Variants in S100Z observed in about 807,000 individuals in gnomAD.
S100Z encodes the protein protein S100-Z.
In S100Z, 11 loss-of-function variants were observed where a neutral mutation model predicts 8.5. The observed-to-expected ratio is 1.30, with a 90% CI of 0.82 to 2.15. The LOEUF is 2.15. Ranked by LOEUF, S100Z falls within the 30% of genes most tolerant of loss-of-function variation. S100Z has a pLI of 0.00. For synonymous variants in S100Z, 34 were observed against 43.8 expected, an observed-to-expected ratio of 0.78 and a Z score of 0.89; for missense variants, 126 against 117.9, an observed-to-expected ratio of 1.07 and a Z score of -0.32.
chr5:76,856,438 G>A (rs566147314), intron 1 of S100Z, among the ~76,000 whole-genome samples: 46 of 152,262 alleles, frequency 3.0e-4, no homozygotes, highest in African/African-American at 9.6e-4. Context: ...GACCTCAGGC[G>A]ATCCACCTGC....
intron 4 of S100Z, among the ~76,000 whole-genome samples, chr5:76,899,379 C>G (rs942192506): frequency 6.6e-6 from 1 of 151,294 alleles, no homozygotes; most frequent in African/African-American, 2.4e-5. Context: ...TTACTCCTAC[C>G]ATTTTGCTAT....
chr5:76,876,626 C>G (rs1743202965), intron 3 of S100Z, among the ~76,000 whole-genome samples: 1 of 152,174 alleles, frequency 6.6e-6, no homozygotes, highest in East Asian at 1.9e-4. Context: ...CTGCCTCGGC[C>G]TCCCAAAGTG....
intron 4 of S100Z, among the ~76,000 whole-genome samples, chr5:76,897,916 T>C (rs1035269035): frequency 6.6e-6 from 1 of 152,206 alleles, no homozygotes; most frequent in African/African-American, 2.4e-5. Context: ...TATGAGATCA[T>C]ATCATCAGCA....
intron 2 of S100Z, among the ~76,000 whole-genome samples, chr5:76,874,890 A>AT (rs1310647744): frequency 0.012 from 1,714 of 146,308 alleles, 19 homozygotes; most frequent in African/African-American, 0.017. Flanking sequence ...ATTATTATTA[A>AT]TTTTTTTTTT....
intron 1 of S100Z, among the ~76,000 whole-genome samples, chr5:76,866,186 G>C (rs1291721612): frequency 6.6e-6 from 1 of 151,860 alleles, no homozygotes. Flanking sequence ...CCAGCCTCAA[G>C]TGGTCCCCCC....
chr5:76,939,193 C>T, the S100Z span, among the ~76,000 whole-genome samples: 1 of 151,082 alleles, frequency 6.6e-6, no homozygotes, highest in African/African-American at 2.4e-5. Context: ...CGCTCTGTCA[C>T]CCAGGCTGGA....
chr5:76,941,990 T>C, the S100Z span, among the ~76,000 whole-genome samples: 2 of 152,324 alleles, frequency 1.3e-5, no homozygotes, highest in South Asian at 4.2e-4. Context: ...TTTTTGGCCA[T>C]CGAGAGCACT....
intron 4 of S100Z, among the ~76,000 whole-genome samples, chr5:76,888,606 G>A (rs982335485): frequency 1.3e-5 from 2 of 152,022 alleles, no homozygotes; most frequent in African/African-American, 2.4e-5. Context: ...TCGACCTCCT[G>A]ACCTTGTGAT....
chr5:76,859,660 T>C (rs1403097311), intron 1 of S100Z, among the ~76,000 whole-genome samples: 1 of 148,454 alleles, frequency 6.7e-6, no homozygotes, highest in Non-Finnish European at 1.5e-5. Context: ...CGGGCGCCTG[T>C]AATCCCAGCT....
Position 76,877,765 on chromosome 5 carries a change from T to C in S100Z, c.233T>C (p.Met78Thr). 2 of 1,612,758 alleles carry C rather than the reference T, an allele frequency of 1.2e-6. No individual in the cohort carries two copies. Among genetic ancestry groups the C allele is most frequent in the Non-Finnish European group, 1.7e-6 (2 of 1,178,740 alleles). Residue 78 changes from methionine (M) to threonine (T), a missense_variant, in exon 4 of 5, where the codon ATG (methionine) becomes ACG (threonine). Physicochemically the swap from Met to Thr is moderately conservative, Grantham distance 81. Coordinates refer to ENST00000317593, the MANE Select transcript of S100Z (RefSeq NM_130772.4). ...GTGGATTTTAATGAATTCGTGGTCA[T>C]GGTGGCAGCTCTGACAGTTGCTTGT... ...NEVDFNEFVV[M>T]VAALTVACND... is the part of the protein sequence containing the mutation.
chr5:76,949,188 A>G, the S100Z span, among the ~76,000 whole-genome samples: 6 of 152,280 alleles, frequency 3.9e-5, no homozygotes, highest in Admixed American at 6.5e-5. Flanking sequence ...GGAGATCAAG[A>G]CCATCCTGGC....
chr5:76,924,058 A>AGCAGAAAAGATTAAAACTC (rs1168109719), downstream of S100Z, among the ~76,000 whole-genome samples: 2 of 152,204 alleles, frequency 1.3e-5, no homozygotes, highest in Non-Finnish European at 2.9e-5. Flanking sequence ...AATATCGCTA[A>AGCAGAAAAGATTAAAACTC]GCAGAAAAGA....
At chr5:76,862,555 T>G (rs553032815) in intron 1 of S100Z, among the ~76,000 whole-genome samples, 2 of 152,048 alleles carry the variant, frequency 1.3e-5, no homozygotes, top group East Asian at 3.9e-4. Context: ...TCCCAGCACT[T>G]TGGGAGGCCG....
Position 76,899,989 on chromosome 5 carries a change from G to A in S100Z, c.*3-20728G>A, listed in dbSNP as rs150554598. Among the ~76,000 whole-genome samples the A allele has an allele frequency of 1.5e-4, 23 of 152,234 alleles. No individual in the cohort carries two copies. In the East Asian group the frequency reaches 2.9e-3, roughly 19 times the overall value. On this transcript the variant is annotated intron_variant, in intron 4 of 4. Coordinates refer to ENST00000317593, the MANE Select transcript of S100Z (RefSeq NM_130772.4). The stretch of plus-strand genomic sequence containing the variant: ...AAAGTATTTCTCCTGCAGGTTTGAC[G>A]GATATTTTCACTGGATATACTATTG...
At chr5:76,860,496 T>C (rs1159698302) in intron 1 of S100Z, among the ~76,000 whole-genome samples, 1 of 152,094 alleles carries the variant, frequency 6.6e-6, no homozygotes, top group Non-Finnish European at 1.5e-5. Flanking sequence ...GGGAGGCTTT[T>C]GGAGTTCTAT....
chr5:76,892,261 A>T lies in S100Z; in HGVS notation c.*2+14427A>T, dbSNP rs189648141. 7.2e-5 allele frequency among the ~76,000 whole-genome samples: 11 copies of T among 152,272 alleles called. 1 individual carries two copies. The highest frequency in any genetic ancestry group is 7.2e-4 in the Admixed American group (11 of 15,294). On this transcript the variant is annotated intron_variant, in intron 4 of 4. Transcript: ENST00000317593. ...AGTTTTATGCATCCTACTCTTTCAG[A>T]TGAGATCGGTAGGATGGTATGGTTG...
chr5:76,924,781 G>T (rs1715763), downstream of S100Z, among the ~76,000 whole-genome samples: 2 of 152,086 alleles, frequency 1.3e-5, no homozygotes, highest in Admixed American at 6.5e-5. Context: ...ATGGTGGCAG[G>T]CACCTGTAAT....
the S100Z span, among the ~76,000 whole-genome samples, chr5:76,937,141 G>C: frequency 1.3e-5 from 2 of 152,074 alleles, no homozygotes; most frequent in Non-Finnish European, 2.9e-5. Flanking sequence ...ATAAGATATT[G>C]GAAATGGCTT....
rs186173231 is a variant in S100Z, at chr5:76,850,384, G to A, written c.-176+229G>A. ...GGAGAGAGCAGCCTGATCATAGCTC[G>A]GAGCGTAGAGGTTCTGGTAAGTTCC... On this transcript the variant is annotated intron_variant, in intron 1 of 4. Transcript: ENST00000317593. Among the ~76,000 whole-genome samples, 1,063 of 151,558 alleles carry A rather than the reference G, an allele frequency of 7.0e-3. 5 individuals carry two copies. Among genetic ancestry groups the A allele is most frequent in the Middle Eastern group, 0.014 (4 of 294 alleles).
Sources: allele counts gnomAD v4.1 joint callset (sites outside exome capture counted in the v4.1 genomes callset), GRCh38; gene constraint gnomAD v4.1.1; transcripts MANE v1.5; gene names NCBI Gene and HGNC (gene_info 2026-07-23, HGNC 2026-07-21).